NVL: variants seen among roughly 807,000 people sequenced by gnomAD.
The protein encoded by NVL is nuclear valosin-containing protein-like.
Under a neutral mutation model 110.2 loss-of-function variants are expected in NVL, and 84 were observed. The ratio of observed to expected loss-of-function variants is 0.76; its 90% CI spans 0.64 to 0.91. The LOEUF is 0.91. Among genes scored for constraint, NVL ranks in the 40% least tolerant of loss-of-function variants. NVL has a pLI of 0.00. For synonymous variants in NVL, 354 were observed against 361.1 expected (o/e 0.98, Z 0.22); for missense variants, 882 against 1,035.9 (o/e 0.85, Z 2.04).
chr1:224,327,782 G>A (rs908892193), intron 1 of NVL, among the ~76,000 whole-genome samples: 2 of 151,010 alleles, frequency 1.3e-5, no homozygotes, highest in African/African-American at 2.4e-5. Flanking sequence ...GAGGCCACTA[G>A]ATCCAGTAAT....
chr1:224,281,596 A>G (rs1190615150), intron 15 of NVL, among the ~76,000 whole-genome samples: 1 of 151,244 alleles, frequency 6.6e-6, no homozygotes, highest in African/African-American at 2.4e-5. Flanking sequence ...TACTGCGCCT[A>G]GCCCTTTTTG....
In NVL at chr1:224,289,652, A is replaced by G. The variant is rs1370167372; in HGVS notation, c.1407T>C (p.Phe469=). 6.2e-7 allele frequency: 1 copy of G among 1,614,252 alleles called. No homozygotes were observed. Among genetic ancestry groups the G allele is most frequent in the Non-Finnish European group, 8.5e-7 (1 of 1,180,044 alleles). ...FCHLAHLTPG[F]VGADLMALCR... is the part of the protein sequence containing the mutation. ...ACAGTGCCATGAGATCAGCACCAAC[A>G]AAGCCTGGAGTTAGGTGTGCTAAGT... The change falls in exon 13 of 23, where the codon TTT becomes TTC. Residue 469 remains phenylalanine (F), a synonymous_variant. Coordinates refer to ENST00000281701, the MANE Select transcript of NVL (RefSeq NM_002533.4).
chr1:224,293,070 ATTT>A (rs1157220455), intron 12 of NVL, among the ~76,000 whole-genome samples: 3 of 125,120 alleles, frequency 2.4e-5, no homozygotes, highest in African/African-American at 3.0e-5. Context: ...TTTCAGAACA[ATTT>A]TTTTTTTTTT....
intron 12 of NVL, among the ~76,000 whole-genome samples, chr1:224,290,875 A>T (rs577199411): frequency 4.7e-4 from 71 of 151,830 alleles, no homozygotes; most frequent in African/African-American, 1.7e-3. Context: ...GAGCCTGAGG[A>T]AGGAGAATTG....
chr1:224,324,295 T>C (rs1670932388), intron 2 of NVL, among the ~76,000 whole-genome samples: 1 of 152,248 alleles, frequency 6.6e-6, no homozygotes. Context: ...AACACTGTTA[T>C]ATAGCACATG....
At chr1:224,265,832 T>A (rs144873711) in intron 18 of NVL, among the ~76,000 whole-genome samples, 163 of 152,288 alleles carry the variant, frequency 1.1e-3, no homozygotes, top group African/African-American at 3.8e-3. Flanking sequence ...AAGGTCTCAC[T>A]ATGTTGCCCA....
intron 20 of NVL, among the ~76,000 whole-genome samples, chr1:224,235,464 G>A (rs1283466029): frequency 6.6e-6 from 1 of 152,140 alleles, no homozygotes; most frequent in Non-Finnish European, 1.5e-5. Flanking sequence ...ACTGTGCCTG[G>A]CCACATCATT....
In NVL at chr1:224,268,051, G is replaced by A. The variant is rs1326016816; in HGVS notation, c.2165C>T (p.Ala722Val). The change falls in exon 18 of 23, where the codon GCA becomes GTA. Residue 722 changes from alanine (A) to valine (V), a missense_variant. Ala to Val is a moderately conservative substitution (Grantham distance 64). Transcript: ENST00000281701. ...TTTCTTACCTGGCCTGTTAGTGGCT[G>A]CCATAATAAAAACCTGCTGGCGTGC... The part of the protein sequence containing the change: ...LEARQQVFIM[A>V]ATNRPDIIDP... 1.4e-5 allele frequency: 23 copies of A among 1,613,226 alleles called. No homozygotes were observed. Among genetic ancestry groups the A allele is most frequent in the Non-Finnish European group, 2.0e-5 (23 of 1,179,300 alleles).
intron 18 of NVL, among the ~76,000 whole-genome samples, chr1:224,257,890 A>T (rs1208245923): frequency 6.6e-6 from 1 of 152,132 alleles, no homozygotes; most frequent in Non-Finnish European, 1.5e-5. Context: ...CTTTCCTCAC[A>T]ACACGCAACA....
At chr1:224,250,885 G>A (rs893411534) in intron 18 of NVL, among the ~76,000 whole-genome samples, 3 of 152,130 alleles carry the variant, frequency 2.0e-5, no homozygotes, top group Admixed American at 1.3e-4. Flanking sequence ...TTGAACTCCC[G>A]AGTGCAAGCA....
intron 4 of NVL, among the ~76,000 whole-genome samples, chr1:224,315,483 G>T (rs74619855): frequency 0.029 from 4,357 of 152,152 alleles, 81 homozygotes; most frequent in Middle Eastern, 0.1. Context: ...GGAATATTAG[G>T]AAACTTCCTC....
intron 2 of NVL, among the ~76,000 whole-genome samples, chr1:224,324,917 C>T (rs61424101): frequency 0.017 from 2,516 of 152,232 alleles, 61 homozygotes; most frequent in African/African-American, 0.056. Context: ...TCCTAACCCC[C>T]AGTACCTCTG....
Position 224,317,754 on chromosome 1 carries a change from A to C in NVL, c.224T>G (p.Leu75Ter). The change falls in exon 4 of 23, where the codon TTA becomes TGA. Residue 75 changes from leucine (L) to a stop codon, truncating the protein, a stop_gained. Transcript: ENST00000281701. LOFTEE classifies it high-confidence loss of function. ...CAAATGTTCATCTTCTAATTCTGTT[A>C]AATTCTTAAGTTCCTTCTCACTACT... ...IISSEKELKNLTELEDEHLAK... is the reference protein window; with the variant it reads ...IISSEKELKN 1 of 1,610,052 alleles carries C rather than the reference A, an allele frequency of 6.2e-7. No individual in the cohort carries two copies. Among genetic ancestry groups the C allele is most frequent in the African/African-American group, 1.3e-5 (1 of 74,968 alleles).
At chr1:224,297,254 C>A (rs1323414772) in intron 10 of NVL, among the ~76,000 whole-genome samples, 1 of 152,160 alleles carries the variant, frequency 6.6e-6, no homozygotes. Context: ...AGCATCCACA[C>A]TGAAAAGTAC....
Position 224,236,680 on chromosome 1 carries a change from G to A in NVL, c.2290-98C>T, listed in dbSNP as rs1660519728. 10 of 916,004 alleles carry A rather than the reference G, an allele frequency of 1.1e-5. No homozygotes were observed. The Admixed American group carries it at 1.4e-4, about 13-fold the overall frequency. 56.7% of individuals were successfully genotyped at this position (916,004 alleles called of 1,614,324 possible). A position where few individuals can be genotyped will look rare whatever the true frequency, so the allele number is the denominator to read the frequency against. On this transcript the variant is annotated intron_variant, in intron 19 of 22. Transcript: ENST00000281701. Reference sequence around the variant, plus strand: ...AATCCCAGCACTTTGGGAGGCCAAGGTGGGCAGATCACCTGAGGTCAGGAG... The same window carrying A: ...AATCCCAGCACTTTGGGAGGCCAAGATGGGCAGATCACCTGAGGTCAGGAG...
intron 4 of NVL, among the ~76,000 whole-genome samples, chr1:224,317,163 G>C (rs1467790989): frequency 6.7e-6 from 1 of 150,014 alleles, no homozygotes; most frequent in Non-Finnish European, 1.5e-5. Flanking sequence ...AAAAAAAGTA[G>C]AGCTTACTGA....
intron 5 of NVL, 94 bp from the exon 6 acceptor site, chr1:224,308,357 GT>G: frequency 1.7e-6 from 2 of 1,162,144 alleles, no homozygotes; most frequent in Non-Finnish European, 2.4e-6. Context: ...TCTATATTTT[GT>G]TTTTTAACAA....
chr1:224,244,756 C>T (rs1474434512), intron 19 of NVL, among the ~76,000 whole-genome samples: 3 of 151,606 alleles, frequency 2.0e-5, no homozygotes, highest in Admixed American at 6.6e-5. Context: ...GGCGTAATCT[C>T]GGCTCACTGC....
chr1:224,264,405 G>C (rs4420060), intron 18 of NVL, among the ~76,000 whole-genome samples: 129,909 of 151,850 alleles, frequency 0.86, 57,131 homozygotes, highest in Non-Finnish European at 0.94. Flanking sequence ...CCACCACCAC[G>C]CCCAATTAAT....
Sources: gnomAD v4.1 joint callset for allele counts (sites outside exome capture counted in the v4.1 genomes callset) on GRCh38, gnomAD v4.1.1 for gene constraint, MANE v1.5 for transcripts, NCBI Gene and HGNC (gene_info 2026-07-23, HGNC 2026-07-21) for gene names.